PPARG: variants seen among roughly 807,000 people sequenced by gnomAD.
PPARG encodes peroxisome proliferator activated receptor gamma, also known as peroxisome proliferator-activated receptor gamma.
Under a neutral mutation model 39.2 loss-of-function variants are expected in PPARG, and 17 were observed. The observed-to-expected ratio is 0.43, with a 90% confidence interval of 0.30 to 0.65. PPARG has a LOEUF of 0.65. Ranked by LOEUF, PPARG falls within the 30% of genes least tolerant of loss-of-function variation. PPARG has a pLI of 0.13. For missense variants in PPARG, 406 were observed against 585.9 expected, an observed-to-expected ratio of 0.69 and a Z score of 3.17; for synonymous variants, 223 against 215.7, an observed-to-expected ratio of 1.03 and a Z score of -0.30.
chr3:12,361,344 A>C (rs765796849), intron 2 of PPARG, among the ~76,000 whole-genome samples: 1 of 152,208 alleles, frequency 6.6e-6, no homozygotes, highest in South Asian at 2.1e-4. Flanking sequence ...CTTAATAAAC[A>C]GATATTTCTA....
intron 1 of PPARG, among the ~76,000 whole-genome samples, chr3:12,300,085 G>T (rs1423037999): frequency 6.6e-6 from 1 of 152,156 alleles, no homozygotes; most frequent in African/African-American, 2.4e-5. Context: ...AATCAATTTT[G>T]ATGGACTTTA....
intron 2 of PPARG, among the ~76,000 whole-genome samples, chr3:12,376,075 G>T (rs148209795): frequency 2.0e-5 from 3 of 151,752 alleles, no homozygotes; most frequent in African/African-American, 7.2e-5. Flanking sequence ...TCAGCTTCCC[G>T]AGTAGCTGGG....
chr3:12,370,519 A>G (rs897790182), intron 2 of PPARG, among the ~76,000 whole-genome samples: 1 of 152,232 alleles, frequency 6.6e-6, no homozygotes, highest in African/African-American at 2.4e-5. Flanking sequence ...GCAGAGGATG[A>G]TAACTATATG....
chr3:12,313,181 C>A (rs2047296589), intron 2 of PPARG, among the ~76,000 whole-genome samples: 2 of 152,052 alleles, frequency 1.3e-5, no homozygotes, highest in African/African-American at 4.8e-5. Flanking sequence ...AGCTCATTTT[C>A]CTGAAATCTG....
At position 12,402,911 on chromosome 3, in the gene PPARG, T is replaced by G. The variant is rs558551341; in HGVS notation, c.530-2971T>G. 2.1e-4 allele frequency among the ~76,000 whole-genome samples: 32 copies of G among 152,268 alleles called. 1 individual carries two copies. The South Asian group carries it at 6.6e-3, about 32-fold the overall frequency. On this transcript the variant is annotated intron_variant, in intron 5 of 7. Coordinates refer to ENST00000651735, the MANE Select transcript of PPARG (RefSeq NM_138711.6). The stretch of plus-strand genomic sequence containing the variant: ...GTCTCTGATATAAAATGGCATAGTA[T>G]TTGCATGTAACCTACACATACCCTC...
At position 12,362,894 on chromosome 3, in the gene PPARG, G is replaced by A. The variant is rs147439015; in HGVS notation, c.-8-16810G>A. On this transcript the variant is annotated intron_variant, in intron 2 of 7. Coordinates refer to ENST00000651735, the MANE Select transcript of PPARG (RefSeq NM_138711.6). ...GTTTTTTATTTAAAAAAAAAATTAT[G>A]AGTGAATGTTGAATTATATCAAATG... Among the ~76,000 whole-genome samples, 1,291 of 152,078 alleles carry A rather than the reference G, an allele frequency of 8.5e-3. 13 individuals are homozygous for A. The highest frequency in any genetic ancestry group is 0.029 in the African/African-American group (1,198 of 41,492).
At chr3:12,348,739 T>C (rs1422076189) in intron 2 of PPARG, among the ~76,000 whole-genome samples, 1 of 152,170 alleles carries the variant, frequency 6.6e-6, no homozygotes, top group African/African-American at 2.4e-5. Flanking sequence ...CCAAGGACTA[T>C]CCTGCAAGGG....
intron 2 of PPARG, among the ~76,000 whole-genome samples, chr3:12,349,759 GGGTGCTATA>G (rs1222004495): frequency 7.2e-5 from 11 of 152,136 alleles, no homozygotes; most frequent in Non-Finnish European, 1.5e-4. Context: ...AGAATGTGGT[GGGTGCTATA>G]GGAGTAGGTG....
chr3:12,356,596 T>G (rs2048673372), intron 2 of PPARG, among the ~76,000 whole-genome samples: 1 of 152,218 alleles, frequency 6.6e-6, no homozygotes, highest in Non-Finnish European at 1.5e-5. Context: ...TGCCATCCAG[T>G]GCAAACTGCC....
rs947504675 is a variant in PPARG, at chr3:12,427,516, G to A, written c.1181-6382G>A. Among the ~76,000 whole-genome samples the A allele has an allele frequency of 3.9e-5, 6 of 152,024 alleles. No homozygotes were observed. In the East Asian group the frequency reaches 7.7e-4, roughly 19 times the overall value. ...AACCCCATGGAAACTGCCTTTATTC[G>A]AACAAACACAAGAATTATAATATGT... On this transcript the variant is annotated intron_variant, in intron 7 of 7. Coordinates refer to ENST00000651735, the MANE Select transcript of PPARG (RefSeq NM_138711.6).
chr3:12,319,985 G>A (rs1272387123), intron 2 of PPARG, among the ~76,000 whole-genome samples: 1 of 152,134 alleles, frequency 6.6e-6, no homozygotes, highest in Admixed American at 6.6e-5. Flanking sequence ...GAAAGAGGTT[G>A]AGTAACTTAC....
intron 2 of PPARG, among the ~76,000 whole-genome samples, chr3:12,342,142 C>G (rs1575023169): frequency 1.3e-5 from 2 of 152,236 alleles, no homozygotes; most frequent in East Asian, 3.9e-4. Flanking sequence ...ATGGTATATT[C>G]AAGCCTAAAA....
intron 2 of PPARG, among the ~76,000 whole-genome samples, chr3:12,337,331 GAGTAGGTACAT>G (rs1311180713): frequency 6.6e-6 from 1 of 152,180 alleles, no homozygotes; most frequent in Non-Finnish European, 1.5e-5. Flanking sequence ...ACATAGGAGT[GAGTAGGTACAT>G]TGTTCTGAGT....
At chr3:12,388,344 C>G (rs1169264344) in intron 4 of PPARG, among the ~76,000 whole-genome samples, 1 of 152,138 alleles carries the variant, frequency 6.6e-6, no homozygotes, top group Non-Finnish European at 1.5e-5. Context: ...ACCCTCAGTT[C>G]CAAGCTGTGA....
intron 2 of PPARG, among the ~76,000 whole-genome samples, chr3:12,348,568 A>G (rs145847803): frequency 9.8e-4 from 149 of 152,230 alleles, no homozygotes; most frequent in African/African-American, 3.5e-3. Context: ...GTGGTGGTGT[A>G]CTCAAAGTCA....
In PPARG at chr3:12,433,989, T is replaced by G. The variant is rs1193534072; in HGVS notation, c.1272T>G (p.Pro424=). The change falls in exon 8 of 8, where the codon CCT becomes CCG. Residue 424 remains proline (P), a synonymous_variant. Transcript: ENST00000651735. ...AGCTCCAGCTGAAGCTGAACCACCC[T>G]GAGTCCTCACAGCTGTTTGCCAAGC... ...ALELQLKLNH[P]ESSQLFAKLL... 1 of 1,614,212 alleles carries G rather than the reference T, an allele frequency of 6.2e-7. No individual in the cohort carries two copies. Among genetic ancestry groups the G allele is most frequent in the Admixed American group, 1.7e-5 (1 of 60,016 alleles).
chr3:12,418,795 C>T (rs1004588027), intron 7 of PPARG, among the ~76,000 whole-genome samples: 1 of 152,158 alleles, frequency 6.6e-6, no homozygotes, highest in Admixed American at 6.5e-5. Context: ...TCACATCATG[C>T]GGAATACCGG....
chr3:12,353,622 G>A (rs1056567040), intron 2 of PPARG, among the ~76,000 whole-genome samples: 2 of 152,146 alleles, frequency 1.3e-5, no homozygotes, highest in Non-Finnish European at 2.9e-5. Flanking sequence ...GGCACATTTA[G>A]TGTGAATGAC....
At chr3:12,303,286 T>TC (rs1056353172) in intron 1 of PPARG, among the ~76,000 whole-genome samples, 4 of 152,008 alleles carry the variant, frequency 2.6e-5, no homozygotes, top group African/African-American at 9.7e-5. Context: ...AACCTCCGCT[T>TC]CCTGGGTTCA....
Sources: allele counts gnomAD v4.1 joint callset (sites outside exome capture counted in the v4.1 genomes callset), GRCh38; gene constraint gnomAD v4.1.1; transcripts MANE v1.5; gene names NCBI Gene and HGNC (gene_info 2026-07-23, HGNC 2026-07-21).